KIAA0825: variants seen among roughly 807,000 people sequenced by gnomAD.
KIAA0825 encodes the protein uncharacterized protein KIAA0825.
Under a neutral mutation model 147.6 loss-of-function variants are expected in KIAA0825, and 119 were observed. The observed-to-expected ratio is 0.81, with a 90% CI of 0.69 to 0.94. The LOEUF is 0.94. KIAA0825 is among the 40% of genes least tolerant of loss of function. The pLI is 0.00. For synonymous variants in KIAA0825, 470 were observed against 518.1 expected (o/e 0.91, Z 1.26); for missense variants, 1,381 against 1,472.7 (o/e 0.94, Z 1.02).
At chr5:94,589,517 T>C (rs1169740744) in intron 1 of KIAA0825, among the ~76,000 whole-genome samples, 1 of 152,262 alleles carries the variant, frequency 6.6e-6, no homozygotes, top group Non-Finnish European at 1.5e-5. Flanking sequence ...ATGTATAGCA[T>C]TGAGTTTTCC....
chr5:94,550,181 G>T (rs1775251795), intron 2 of KIAA0825, among the ~76,000 whole-genome samples: 1 of 152,132 alleles, frequency 6.6e-6, no homozygotes, highest in African/African-American at 2.4e-5. Context: ...TCACTTACCT[G>T]TGGAAGCTAA....
chr5:94,171,309 T>C (rs577053104), intron 20 of KIAA0825, among the ~76,000 whole-genome samples: 1 of 152,270 alleles, frequency 6.6e-6, no homozygotes, highest in East Asian at 1.9e-4. Context: ...CGTGACTTGC[T>C]CCTTCCACCA....
chr5:94,272,392 A>G (rs1777033173), intron 20 of KIAA0825, among the ~76,000 whole-genome samples: 1 of 152,188 alleles, frequency 6.6e-6, no homozygotes, highest in African/African-American at 2.4e-5. Context: ...GAGGTGATGG[A>G]TACCCCATTT....
At chr5:94,559,049 T>TA (rs1777085679) in intron 2 of KIAA0825, among the ~76,000 whole-genome samples, 1 of 152,220 alleles carries the variant, frequency 6.6e-6, no homozygotes, top group African/African-American at 2.4e-5. Flanking sequence ...ATGTAAAACT[T>TA]AATCAAATAC....
chr5:94,521,711 A>T (rs1768245677), intron 4 of KIAA0825, among the ~76,000 whole-genome samples: 1 of 151,634 alleles, frequency 6.6e-6, no homozygotes, highest in African/African-American at 2.4e-5. Flanking sequence ...GGGACAAAAA[A>T]TTTACTTTTT....
intron 20 of KIAA0825, among the ~76,000 whole-genome samples, chr5:94,209,559 T>G (rs1421685280): frequency 6.6e-6 from 1 of 152,236 alleles, no homozygotes; most frequent in Non-Finnish European, 1.5e-5. Flanking sequence ...GTGCTCATGC[T>G]TGCATAACTT....
rs558151035 is a variant in KIAA0825 at position 94,304,652 on chromosome 5, C to T, written c.3710+79716G>A. ...AGGCCAAAGTGAGCCATTAAAGGAC[C>T]TCTGACAACAGTAAACACAGACACA... On this transcript the variant is annotated intron_variant, in intron 20 of 20. Coordinates refer to ENST00000682413, the MANE Select transcript of KIAA0825 (RefSeq NM_001145678.3). 4.6e-5 allele frequency among the ~76,000 whole-genome samples: 7 copies of T among 152,014 alleles called. No homozygotes were observed. The South Asian group carries it at 1.5e-3, about 32-fold the overall frequency.
intron 1 of KIAA0825, among the ~76,000 whole-genome samples, chr5:94,590,866 T>A (rs73132692): frequency 0.076 from 11,610 of 152,168 alleles, 488 homozygotes; most frequent in South Asian, 0.11. Context: ...ATAAAAACAG[T>A]TTCTTTAAAA....
At chr5:94,227,193 T>C (rs1283319478) in intron 20 of KIAA0825, among the ~76,000 whole-genome samples, 2 of 152,212 alleles carry the variant, frequency 1.3e-5, no homozygotes, top group African/African-American at 4.8e-5. Flanking sequence ...GTGGCACATA[T>C]ACACCATGGA....
rs146992291 is a variant in KIAA0825 at position 94,217,379 on chromosome 5, T to G, written c.3711-63255A>C. 1.3e-3 allele frequency among the ~76,000 whole-genome samples: 192 copies of G among 152,294 alleles called. 2 individuals carry two copies. Among genetic ancestry groups the G allele is most frequent in the African/African-American group, 4.0e-3 (166 of 41,566 alleles). On this transcript the variant is annotated intron_variant, in intron 20 of 20. Transcript: ENST00000682413. Reference sequence around the variant, plus strand: ...TCTGATTTCACATCTTTTGCTTCCATTACAGCTGAGCAGAGCCCCATAAAT... The same window carrying G: ...TCTGATTTCACATCTTTTGCTTCCAGTACAGCTGAGCAGAGCCCCATAAAT...
chr5:94,336,275 T>A (rs78540436), intron 20 of KIAA0825, among the ~76,000 whole-genome samples: 8 of 146,078 alleles, frequency 5.5e-5, no homozygotes, highest in African/African-American at 1.8e-4. Flanking sequence ...TTTTTTTTTT[T>A]ATACTTTAAG....
chr5:94,444,601 T>A (rs115595051), intron 13 of KIAA0825, among the ~76,000 whole-genome samples: 1 of 151,818 alleles, frequency 6.6e-6, no homozygotes, highest in Non-Finnish European at 1.5e-5. Context: ...GCAGAGATGA[T>A]GGCCAATCAT....
intron 20 of KIAA0825, among the ~76,000 whole-genome samples, chr5:94,184,254 A>G (rs1166144062): frequency 6.6e-6 from 1 of 152,080 alleles, no homozygotes; most frequent in African/African-American, 2.4e-5. Flanking sequence ...AAGAAATATG[A>G]CTATCAGGTG....
intron 13 of KIAA0825, among the ~76,000 whole-genome samples, chr5:94,451,453 A>G (rs1188839003): frequency 6.6e-6 from 1 of 152,232 alleles, no homozygotes; most frequent in Non-Finnish European, 1.5e-5. Context: ...TTTAATACGT[A>G]TTACTAAACT....
rs557562434 is a variant in KIAA0825, at chr5:94,462,494, CA to C, written c.2138del (p.Leu713Ter). ...WSVCTSVQKL[L>X]NPHQHTDDKI... The stretch of plus-strand genomic sequence containing the variant: ...TATCATCTGTATGCTGATGAGGATT[CA>C]AAAGTTTCTGTACAGATGTACAAAC... On this transcript the variant is annotated frameshift_variant, in exon 12 of 21. Transcript: ENST00000682413. LOFTEE classifies it high-confidence loss of function. 9.1e-6 allele frequency: 14 copies of C among 1,544,824 alleles called. No homozygotes were observed. The highest frequency in any genetic ancestry group is 7.9e-5 in the Admixed American group (4 of 50,456).
intron 14 of KIAA0825, among the ~76,000 whole-genome samples, chr5:94,424,285 GA>G (rs1754558599): frequency 6.6e-6 from 1 of 152,054 alleles, no homozygotes; most frequent in Non-Finnish European, 1.5e-5. Context: ...CCATATGTTA[GA>G]AGCCAAAACA....
intron 20 of KIAA0825, among the ~76,000 whole-genome samples, chr5:94,313,518 C>CATTTG (rs1326247170): frequency 6.6e-6 from 1 of 151,492 alleles, no homozygotes; most frequent in Non-Finnish European, 1.5e-5. Context: ...GATTAAGTAT[C>CATTTG]ATCAAGAGTG....
chr5:94,158,394 C>A (rs1430216096), intron 20 of KIAA0825, among the ~76,000 whole-genome samples: 1 of 152,082 alleles, frequency 6.6e-6, no homozygotes, highest in Non-Finnish European at 1.5e-5. Flanking sequence ...GACACTGCCT[C>A]CGTATGGGGA....
In KIAA0825 at chr5:94,490,504, G is replaced by C. The variant is rs150682149; in HGVS notation, c.971-5574C>G. Reference sequence around the variant, plus strand: ...CAAAAGGCTATAAAAAGAATGATGGGCTGGGAACTTGATAGAGTATATTGA... The same window carrying C: ...CAAAAGGCTATAAAAAGAATGATGGCCTGGGAACTTGATAGAGTATATTGA... On this transcript the variant is annotated intron_variant, in intron 5 of 20. Coordinates refer to ENST00000682413, the MANE Select transcript of KIAA0825 (RefSeq NM_001145678.3). Among the ~76,000 whole-genome samples the C allele has an allele frequency of 2.1e-3, 317 of 152,040 alleles. 15 individuals carry two copies. In the East Asian group the frequency reaches 0.047, roughly 22 times the overall value.
Sources: gnomAD v4.1 joint callset for allele counts (sites outside exome capture counted in the v4.1 genomes callset) on GRCh38, gnomAD v4.1.1 for gene constraint, MANE v1.5 for transcripts, NCBI Gene and HGNC (gene_info 2026-07-23, HGNC 2026-07-21) for gene names.